The following IFI16 variants were observed in gnomAD, a reference collection of about 807,000 sequenced individuals.
IFI16 encodes interferon gamma inducible protein 16, also known as gamma-interferon-inducible protein 16.
IFI16 carries 49 observed loss-of-function variants against 68.4 expected under a neutral mutation model. The observed-to-expected ratio is 0.72, with a 90% confidence interval of 0.57 to 0.91. The LOEUF is 0.91. Ranked by LOEUF, IFI16 falls within the 40% of genes least tolerant of loss-of-function variation. The pLI, the probability that IFI16 is intolerant of heterozygous loss-of-function variation, is 0.00. For synonymous variants in IFI16, 307 were observed against 315.0 expected, an observed-to-expected ratio of 0.97 and a Z score of 0.27; for missense variants, 878 against 942.9, an observed-to-expected ratio of 0.93 and a Z score of 0.90.
intron 8 of IFI16, among the ~76,000 whole-genome samples, chr1:159,048,372 T>C (rs1411294738): frequency 6.6e-6 from 1 of 151,498 alleles, no homozygotes; most frequent in African/African-American, 2.4e-5. Flanking sequence ...TGCAAAGAAA[T>C]CTTCCTCAGG....
intron 7 of IFI16, among the ~76,000 whole-genome samples, chr1:159,034,599 G>A (rs1654207454): frequency 6.6e-6 from 1 of 152,080 alleles, no homozygotes; most frequent in African/African-American, 2.4e-5. Flanking sequence ...CCTTTGCTGG[G>A]ATCACTTTCT....
Position 159,014,959 on chromosome 1 carries a change from G to C in IFI16, c.265+14G>C, listed in dbSNP as rs756674956. ...AAAAGTTAAAAGGTAATTGGGAAGA[G>C]GGAACACCCACTCCCTGCAACCATC... is the stretch of plus-strand genomic sequence containing the variant. On this transcript the variant is annotated intron_variant, in intron 2 of 11. Coordinates refer to ENST00000295809, the MANE Select transcript of IFI16 (RefSeq NM_001376587.1). 1 of 1,590,338 alleles carries C rather than the reference G, an allele frequency of 6.3e-7. No individual in the cohort carries two copies. The highest frequency in any genetic ancestry group is 8.6e-7 in the Non-Finnish European group (1 of 1,169,046).
upstream of IFI16, among the ~76,000 whole-genome samples, chr1:159,004,792 G>C (rs951381076): frequency 2.6e-5 from 4 of 152,294 alleles, no homozygotes; most frequent in South Asian, 4.1e-4. Context: ...ATTATATCAA[G>C]GGAAATTTTG....
chr1:159,014,645 C>T lies in IFI16; in HGVS notation c.-20-16C>T. On this transcript the variant is annotated splice_polypyrimidine_tract_variant and intron_variant, in intron 1 of 11. Coordinates refer to ENST00000295809, the MANE Select transcript of IFI16 (RefSeq NM_001376587.1). The stretch of plus-strand genomic sequence containing the variant: ...GTATACATGTGTAACACTGTATATA[C>T]CATTTTCTCTTGTAGGCTCACTTAT... 1 of 1,535,528 alleles carries T rather than the reference C, an allele frequency of 6.5e-7. No homozygotes were observed. Among genetic ancestry groups the T allele is most frequent in the South Asian group, 1.3e-5 (1 of 79,844 alleles).
At chr1:159,045,553 T>C in intron 8 of IFI16, 89 bp downstream of exon 8, 2 of 1,453,152 alleles carry the variant, frequency 1.4e-6, no homozygotes, top group South Asian at 2.5e-5. Context: ...ACCAATCCCC[T>C]ACTACATACA....
At chr1:159,002,080 C>A (rs1652080323), upstream of IFI16, among the ~76,000 whole-genome samples, 1 of 152,162 alleles carries the variant, frequency 6.6e-6, no homozygotes, top group African/African-American at 2.4e-5. Context: ...ATTCCTATCT[C>A]CAGGTTGTAA....
chr1:159,017,804 C>T (rs190287568), intron 4 of IFI16, among the ~76,000 whole-genome samples: 168 of 152,274 alleles, frequency 1.1e-3, no homozygotes, highest in Admixed American at 3.5e-3. Flanking sequence ...GCCAGGGTTT[C>T]ACCATGTTGG....
upstream of IFI16, among the ~76,000 whole-genome samples, chr1:159,005,459 A>G (rs936993482): frequency 7.2e-5 from 11 of 151,908 alleles, no homozygotes; most frequent in African/African-American, 2.7e-4. Context: ...ATATGCATTC[A>G]CTCTCCTCTC....
At chr1:159,022,931 A>T (rs995190471) in intron 6 of IFI16, among the ~76,000 whole-genome samples, 1 of 151,304 alleles carries the variant, frequency 6.6e-6, no homozygotes, top group Admixed American at 6.6e-5. Flanking sequence ...TTTTGACTTA[A>T]TTTTTTTTTG....
chr1:159,041,551 G>GT (rs1470782776), intron 7 of IFI16, among the ~76,000 whole-genome samples: 1 of 152,174 alleles, frequency 6.6e-6, no homozygotes, highest in Non-Finnish European at 1.5e-5. Flanking sequence ...ATACTCCTCA[G>GT]TTTGGCTGAT....
In IFI16 at chr1:159,021,937, C is replaced by G. The variant is rs113385580; in HGVS notation, c.1161+1408C>G. On this transcript the variant is annotated intron_variant, in intron 6 of 11. Coordinates refer to ENST00000295809, the MANE Select transcript of IFI16 (RefSeq NM_001376587.1). ...GTCTATTCATGTCCTTAGCCCTTAG[C>G]CCTTTTTTTTTTTTTTTTTTTTTTT... Among the ~76,000 whole-genome samples, 181 of 134,652 alleles carry G rather than the reference C, an allele frequency of 1.3e-3. 2 individuals are homozygous for G. The highest frequency in any genetic ancestry group is 4.9e-3 in the African/African-American group (176 of 36,256). 88.3% of individuals were successfully genotyped at this position (134,652 alleles called of 152,430 possible). A position where few individuals can be genotyped will look rare whatever the true frequency, so the allele number is the denominator to read the frequency against.
chr1:159,021,405 C>T (rs1653306099), intron 6 of IFI16, among the ~76,000 whole-genome samples: 1 of 152,148 alleles, frequency 6.6e-6, no homozygotes, highest in African/African-American at 2.4e-5. Context: ...CAATTCCATC[C>T]GGGTTGCTGT....
chr1:159,053,573 A>T lies in IFI16; in HGVS notation c.2126A>T (p.Asp709Val), dbSNP rs771079818. 3 of 1,613,124 alleles carry T rather than the reference A, an allele frequency of 1.9e-6. No homozygotes were observed. Among genetic ancestry groups the T allele is most frequent in the Non-Finnish European group, 2.5e-6 (3 of 1,179,228 alleles). The change falls in exon 11 of 12, where the codon GAT becomes GTT. Residue 709 changes from aspartate to valine, a missense_variant. Asp to Val is a radical substitution (Grantham distance 152). Around this residue, in one of 4 missense-constraint regions of IFI16, gnomAD observed 311 missense variants for 305.1 expected, o/e 1.02. Transcript: ENST00000295809. ...RGEFTYYEIQ[D>V]NTGKMEVVVH... The stretch of plus-strand genomic sequence containing the variant: ...GAATTCACTTATTATGAAATACAAG[A>T]TAATACAGGGAAGATGGAAGTGGTG...
rs552495529 is a variant in IFI16, at chr1:159,049,911, A to G, written c.1665+312A>G. The stretch of plus-strand genomic sequence containing the variant: ...AAAGTAGAACAAGGTGGGAAAAAAC[A>G]GAGCCACCCATAACACTATCACTGA... On this transcript the variant is annotated intron_variant, in intron 9 of 11. Coordinates refer to ENST00000295809, the MANE Select transcript of IFI16 (RefSeq NM_001376587.1). Among the ~76,000 whole-genome samples the G allele has an allele frequency of 3.3e-5, 5 of 151,284 alleles. No homozygotes were observed. In the South Asian group the frequency reaches 1.0e-3, roughly 31 times the overall value.
upstream of IFI16, chr1:159,005,976 T>G (rs527242954): frequency 6.6e-6 from 1 of 152,586 alleles, no homozygotes; most frequent in East Asian, 1.9e-4. Context: ...TCTGAAAGAC[T>G]ACTCAGGCGT....
upstream of IFI16, among the ~76,000 whole-genome samples, chr1:159,004,498 A>G (rs540091472): frequency 7.4e-4 from 113 of 152,274 alleles, no homozygotes; most frequent in South Asian, 0.012. Flanking sequence ...TGAGATCAGG[A>G]GTTTGAGACC....
chr1:159,021,934 TAGCCC>T (rs1339903607), intron 6 of IFI16, among the ~76,000 whole-genome samples: 1 of 149,198 alleles, frequency 6.7e-6, no homozygotes, highest in East Asian at 2.0e-4. Flanking sequence ...CCTTAGCCCT[TAGCCC>T]TTTTTTTTTT....
intron 7 of IFI16, among the ~76,000 whole-genome samples, chr1:159,042,947 A>T (rs1654753400): frequency 6.6e-6 from 1 of 152,188 alleles, no homozygotes; most frequent in African/African-American, 2.4e-5. Context: ...GACCCATGGC[A>T]ACTTGAGGGA....
At chr1:159,049,024 A>G (rs1655177225) in intron 8 of IFI16, among the ~76,000 whole-genome samples, 1 of 150,770 alleles carries the variant, frequency 6.6e-6, no homozygotes, top group African/African-American at 2.4e-5. Context: ...GCTGAAGAGC[A>G]CTTGAGAGAG....
Sources: allele counts gnomAD v4.1 joint callset (sites outside exome capture counted in the v4.1 genomes callset), GRCh38; gene constraint gnomAD v4.1.1; regional missense constraint gnomAD v4.1.1; transcripts MANE v1.5; gene names NCBI Gene and HGNC (gene_info 2026-07-23, HGNC 2026-07-21).